The following CSMD1 variants were observed in gnomAD, a reference collection of about 807,000 sequenced individuals.
CSMD1 encodes CUB and sushi domain-containing protein 1.
A neutral mutation model predicts 417.5 loss-of-function variants in CSMD1; 213 were observed. That is an observed-to-expected ratio of 0.51 (90% CI 0.46 to 0.57). The LOEUF is 0.57. CSMD1 is among the 20% of genes least tolerant of loss of function. The probability of loss-of-function intolerance (pLI) is 0.00; values close to 1 mark genes in which losing one functional copy is unlikely to be tolerated. For synonymous variants in CSMD1, 2,862 were observed against 1,736.8 expected (o/e 1.65, Z -16.11); for missense variants, 6,923 against 4,529.7 (o/e 1.53, Z -15.17).
chr8:4,397,763 G>A (rs141204407), intron 3 of CSMD1, among the ~76,000 whole-genome samples: 14 of 151,636 alleles, frequency 9.2e-5, no homozygotes, highest in African/African-American at 2.4e-4. Context: ...AGACATGAAG[G>A]GAAAAACCTT....
chr8:4,399,906 G>A (rs931677937), intron 3 of CSMD1, among the ~76,000 whole-genome samples: 2 of 152,160 alleles, frequency 1.3e-5, no homozygotes, highest in African/African-American at 4.8e-5. Context: ...AAGCTCTCAT[G>A]AGAAGTAAAA....
chr8:4,142,330 C>T (rs1465775165), intron 3 of CSMD1, among the ~76,000 whole-genome samples: 2 of 151,054 alleles, frequency 1.3e-5, no homozygotes, highest in South Asian at 4.1e-4. Context: ...ACCTCATTAG[C>T]CTACTCTACG....
intron 10 of CSMD1, among the ~76,000 whole-genome samples, chr8:3,513,033 G>C (rs1170875680): frequency 6.6e-6 from 1 of 152,028 alleles, no homozygotes; most frequent in Non-Finnish European, 1.5e-5. Context: ...ATACATTTGA[G>C]GTTTTAGAAT....
At chr8:3,813,327 T>C (rs904028926) in intron 5 of CSMD1, among the ~76,000 whole-genome samples, 5 of 152,176 alleles carry the variant, frequency 3.3e-5, no homozygotes, top group African/African-American at 7.2e-5. Flanking sequence ...TCATATGATC[T>C]GTTATACTGC....
chr8:3,166,540 A>T (rs556217883), intron 37 of CSMD1, among the ~76,000 whole-genome samples: 2 of 152,302 alleles, frequency 1.3e-5, no homozygotes, highest in East Asian at 3.9e-4. Context: ...TCTCAAAAAA[A>T]TAAAATAAAA....
Position 4,924,884 on chromosome 8 carries a change from G to A in CSMD1, c.85+69448C>T, listed in dbSNP as rs370909548. Reference sequence around the variant, plus strand: ...TCTCAAGTTTCCCCAACCAGCACAAGACAAAACTGGGATTTGAACCCAAAT... The same window carrying A: ...TCTCAAGTTTCCCCAACCAGCACAAAACAAAACTGGGATTTGAACCCAAAT... On this transcript the variant is annotated intron_variant, in intron 1 of 69. Coordinates refer to ENST00000635120, the MANE Select transcript of CSMD1 (RefSeq NM_033225.6). Among the ~76,000 whole-genome samples the A allele has an allele frequency of 3.1e-4, 47 of 152,160 alleles. No homozygotes were observed. In the East Asian group the frequency reaches 3.9e-3, roughly 12 times the overall value.
At chr8:4,519,712 C>G (rs1435549472) in intron 2 of CSMD1, among the ~76,000 whole-genome samples, 1 of 121,764 alleles carries the variant, frequency 8.2e-6, no homozygotes, top group African/African-American at 3.2e-5. Flanking sequence ...TACTGCACTC[C>G]AGCCTAGGCA....
chr8:3,494,251 T>C (rs1420673306), intron 10 of CSMD1, among the ~76,000 whole-genome samples: 1 of 152,190 alleles, frequency 6.6e-6, no homozygotes, highest in East Asian at 1.9e-4. Context: ...TTTGTTTTTT[T>C]ACAAAGAATA....
chr8:3,017,806 T>TA (rs777717027), intron 52 of CSMD1, among the ~76,000 whole-genome samples: 2,187 of 76,392 alleles, frequency 0.029, 91 homozygotes, highest in African/African-American at 0.051. Flanking sequence ...TTGAGTGATT[T>TA]AAAAAAAAAA....
At chr8:3,304,011 C>G (rs1804617810) in intron 25 of CSMD1, among the ~76,000 whole-genome samples, 1 of 152,028 alleles carries the variant, frequency 6.6e-6, no homozygotes, top group Non-Finnish European at 1.5e-5. Context: ...ACTATATAAG[C>G]AGAAGTTGCT....
chr8:3,494,111 T>C (rs113615228), intron 10 of CSMD1, among the ~76,000 whole-genome samples: 2,576 of 152,332 alleles, frequency 0.017, 72 homozygotes, highest in African/African-American at 0.058. Context: ...TCCAGAATGC[T>C]CTGCAATAAA....
At chr8:3,917,055 G>C (rs996792463) in intron 5 of CSMD1, among the ~76,000 whole-genome samples, 1 of 152,022 alleles carries the variant, frequency 6.6e-6, no homozygotes, top group Non-Finnish European at 1.5e-5. Context: ...CTTTTTGAAT[G>C]TTACATAATA....
chr8:3,323,595 A>T (rs999615702), intron 23 of CSMD1, among the ~76,000 whole-genome samples: 4 of 152,172 alleles, frequency 2.6e-5, no homozygotes, highest in African/African-American at 9.7e-5. Context: ...TTTTTAAAAA[A>T]ATTTTATAGC....
At chr8:3,782,810 G>A (rs944816503) in intron 5 of CSMD1, among the ~76,000 whole-genome samples, 2 of 152,168 alleles carry the variant, frequency 1.3e-5, no homozygotes, top group African/African-American at 4.8e-5. Context: ...GATTTTATAA[G>A]AGGTTTTTCT....
At chr8:4,534,377 T>C (rs1796992709) in intron 2 of CSMD1, among the ~76,000 whole-genome samples, 2 of 152,366 alleles carry the variant, frequency 1.3e-5, no homozygotes, top group South Asian at 4.1e-4. Flanking sequence ...TTTGCATGGA[T>C]GGTTTATCAA....
intron 49 of CSMD1, among the ~76,000 whole-genome samples, chr8:3,074,358 C>A (rs1323980022): frequency 6.6e-6 from 1 of 152,196 alleles, no homozygotes; most frequent in Non-Finnish European, 1.5e-5. Context: ...GTGCCAACAA[C>A]ATAACGCAAT....
chr8:3,541,418 C>A (rs10102179), intron 10 of CSMD1, among the ~76,000 whole-genome samples: 20 of 151,942 alleles, frequency 1.3e-4, no homozygotes, highest in Admixed American at 1.3e-3. Flanking sequence ...ATAGCTAATA[C>A]GTGTGGGGCT....
intron 49 of CSMD1, among the ~76,000 whole-genome samples, chr8:3,058,588 C>G (rs2128992496): frequency 6.6e-6 from 1 of 152,308 alleles, no homozygotes; most frequent in South Asian, 2.1e-4. Context: ...TACCAGGCCT[C>G]TAGAAAGAAT....
chr8:3,930,225 T>A (rs1052863704), intron 5 of CSMD1, among the ~76,000 whole-genome samples: 1 of 150,330 alleles, frequency 6.7e-6, no homozygotes, highest in African/African-American at 2.5e-5. Flanking sequence ...ACAAGTAAAG[T>A]AGAGGTCCTT....
Sources: allele counts gnomAD v4.1 joint callset (sites outside exome capture counted in the v4.1 genomes callset), GRCh38; gene constraint gnomAD v4.1.1; transcripts MANE v1.5; gene names NCBI Gene and HGNC (gene_info 2026-07-23, HGNC 2026-07-21).